The following XIRP2 variants were observed in gnomAD, a reference collection of about 807,000 sequenced individuals.
XIRP2 encodes the protein xin actin-binding repeat-containing protein 2.
Under a neutral mutation model 277.0 loss-of-function variants are expected in XIRP2, and 236 were observed. The ratio of observed to expected loss-of-function variants is 0.85; its 90% CI spans 0.77 to 0.95. XIRP2 has a LOEUF of 0.95. Ranked by LOEUF, XIRP2 falls within the 40% of genes least tolerant of loss-of-function variation. The probability of loss-of-function intolerance (pLI) is 0.00; values close to 1 mark genes in which losing one functional copy is unlikely to be tolerated. For missense variants in XIRP2, 4,640 were observed against 4,157.5 expected (o/e 1.12, Z -3.19); for synonymous variants, 1,490 against 1,416.5 (o/e 1.05, Z -1.17).
intron 2 of XIRP2, among the ~76,000 whole-genome samples, chr2:167,056,865 G>C (rs1054627485): frequency 1.3e-5 from 2 of 151,978 alleles, no homozygotes; most frequent in African/African-American, 4.8e-5. Flanking sequence ...GGGGAGCTTT[G>C]GTTATATAAT....
Position 167,244,187 on chromosome 2 carries a change from C to T in XIRP2, c.2795C>T (p.Thr932Ile). The T allele has an allele frequency of 5.0e-6, 8 of 1,613,538 alleles. No homozygotes were observed. The highest frequency in any genetic ancestry group is 5.9e-6 in the Non-Finnish European group (7 of 1,179,802). ...EDIRKDKKEY[T>I]RTVKLEEVDR... ...ATTAGAAAAGATAAAAAGGAGTACA[C>T]ACGAACAGTGAAACTTGAAGAAGTT... The change falls in exon 9 of 11, where the codon ACA becomes ATA. Residue 932 changes from threonine to isoleucine, a missense_variant. By Grantham distance (89) the Thr-to-Ile change is moderately conservative. Transcript: ENST00000409195.
chr2:167,035,123 T>C (rs1238012114), intron 2 of XIRP2, among the ~76,000 whole-genome samples: 4 of 152,284 alleles, frequency 2.6e-5, no homozygotes, highest in East Asian at 3.9e-4. Context: ...TCTTTTTTCT[T>C]CCCAGTCTCC....
chr2:167,112,501 A>G (rs1262101738), intron 2 of XIRP2, among the ~76,000 whole-genome samples: 1 of 149,260 alleles, frequency 6.7e-6, no homozygotes, highest in East Asian at 1.9e-4. Context: ...ATTAATATTT[A>G]TTTTTCTTCC....
chr2:167,039,243 A>G (rs1688594047), intron 2 of XIRP2, among the ~76,000 whole-genome samples: 1 of 152,212 alleles, frequency 6.6e-6, no homozygotes, highest in Non-Finnish European at 1.5e-5. Context: ...TGTGAAAAAA[A>G]AAGTTTTTCT....
chr2:167,155,881 T>A (rs200542079), intron 3 of XIRP2, among the ~76,000 whole-genome samples: 11,264 of 145,670 alleles, frequency 0.077, 493 homozygotes, highest in Middle Eastern at 0.14. Flanking sequence ...CTTAAGCTGA[T>A]AAGCAACTTC....
intron 2 of XIRP2, among the ~76,000 whole-genome samples, chr2:166,968,432 T>C (rs1686485972): frequency 6.6e-6 from 1 of 151,956 alleles, no homozygotes; most frequent in African/African-American, 2.4e-5. Context: ...CCTTTAAAAA[T>C]TTAAAATACA....
At position 167,248,742 on chromosome 2, in the gene XIRP2, G is replaced by A. The variant is rs781134523; in HGVS notation, c.7350G>A (p.Leu2450=). The part of the protein sequence containing the change: ...FSPKVELATS[L]SDMECKITTS... The stretch of plus-strand genomic sequence containing the variant: ...CCAAAGTTGAACTGGCAACCTCCCT[G>A]TCAGATATGGAATGTAAAATTACTA... Residue 2450 remains leucine (L), a synonymous_variant, in exon 9 of 11, where the codon CTG becomes CTA. Coordinates refer to ENST00000409195, the MANE Select transcript of XIRP2 (RefSeq NM_152381.6). 4 of 1,613,672 alleles carry A rather than the reference G, an allele frequency of 2.5e-6. No homozygotes were observed. The highest frequency in any genetic ancestry group is 3.4e-6 in the Non-Finnish European group (4 of 1,179,830).
chr2:167,072,095 A>T (rs1689451943), intron 2 of XIRP2, among the ~76,000 whole-genome samples: 1 of 152,172 alleles, frequency 6.6e-6, no homozygotes, highest in African/African-American at 2.4e-5. Context: ...ATATTTTAAA[A>T]TATATAATAT....
At chr2:167,099,266 C>T (rs1690420342) in intron 2 of XIRP2, among the ~76,000 whole-genome samples, 1 of 152,062 alleles carries the variant, frequency 6.6e-6, no homozygotes, top group Non-Finnish European at 1.5e-5. Context: ...GCAGTAGGCC[C>T]CACCCAGTTC....
intron 1 of XIRP2, among the ~76,000 whole-genome samples, chr2:166,897,049 A>G (rs1370343343): frequency 6.6e-6 from 1 of 152,178 alleles, no homozygotes. Flanking sequence ...TTGTGTAAGT[A>G]CACTCTGTGA....
rs770439080 is a variant in XIRP2, at chr2:167,218,167, T to A, written c.725T>A (p.Met242Lys). Residue 242 changes from methionine (M) to lysine (K), a missense_variant and splice_region_variant, in exon 5 of 11, where the codon ATG becomes AAG. By Grantham distance (95) the Met-to-Lys change is moderately conservative (BLOSUM62 -1). Transcript: ENST00000409195. ...TTCCTTTTTCTTAAATCATCCTAGATGATGGAAGAATCAGAAATGTGCGCA... is the reference window on the plus strand; with the variant it reads ...TTCCTTTTTCTTAAATCATCCTAGAAGATGGAAGAATCAGAAATGTGCGCA... ...RGDCRSFSAN[M>K]MEESEMCAVP... 6 of 1,586,118 alleles carry A rather than the reference T, an allele frequency of 3.8e-6. No homozygotes were observed. In the South Asian group the frequency reaches 5.8e-5, roughly 15 times the overall value.
At position 167,175,361 on chromosome 2, in the gene XIRP2, G is replaced by T. The variant is rs540093102; in HGVS notation, c.563-35374G>T. Among the ~76,000 whole-genome samples the T allele has an allele frequency of 3.9e-5, 6 of 152,266 alleles. No individual in the cohort carries two copies. In the South Asian group the frequency reaches 1.2e-3, roughly 32 times the overall value. ...GTTGATGTTAATGCTATTCCTTTCT[G>T]TTTGTTAGTTTTCCTTCTAACAGTC... On this transcript the variant is annotated intron_variant, in intron 3 of 10. Coordinates refer to ENST00000409195, the MANE Select transcript of XIRP2 (RefSeq NM_152381.6).
chr2:167,022,161 G>C (rs558732442), intron 2 of XIRP2, among the ~76,000 whole-genome samples: 10 of 152,018 alleles, frequency 6.6e-5, no homozygotes, highest in Non-Finnish European at 1.3e-4. Context: ...AACACGTTAA[G>C]GAAGAATATC....
At chr2:167,060,693 T>C (rs1437679860) in intron 2 of XIRP2, among the ~76,000 whole-genome samples, 1 of 152,158 alleles carries the variant, frequency 6.6e-6, no homozygotes, top group African/African-American at 2.4e-5. Context: ...TATGTGTGGA[T>C]CCATTACTGG....
chr2:167,210,608 A>C (rs1693995803), intron 3 of XIRP2, 127 bp from the exon 4 acceptor site: 1 of 1,270,994 alleles, frequency 7.9e-7, no homozygotes, highest in Non-Finnish European at 1.1e-6. Context: ...GACATTGAAA[A>C]TATTGTGAAA....
chr2:167,004,687 A>C (rs1192829297), intron 2 of XIRP2, among the ~76,000 whole-genome samples: 1 of 151,920 alleles, frequency 6.6e-6, no homozygotes, highest in African/African-American at 2.4e-5. Flanking sequence ...AATTCAGGTC[A>C]TGGACAAGGT....
chr2:167,010,031 T>C (rs1195178031), intron 2 of XIRP2, among the ~76,000 whole-genome samples: 2 of 152,122 alleles, frequency 1.3e-5, no homozygotes, highest in Non-Finnish European at 2.9e-5. Context: ...TTCACGCTGA[T>C]GGTAGTTTCT....
At chr2:167,012,348 T>C (rs1054493686) in intron 2 of XIRP2, among the ~76,000 whole-genome samples, 1 of 151,844 alleles carries the variant, frequency 6.6e-6, no homozygotes, top group Non-Finnish European at 1.5e-5. Context: ...AGAAGTTTAA[T>C]AAGATTCTAC....
chr2:167,259,500 A>G lies in XIRP2; in HGVS notation c.*1683A>G, dbSNP rs761151325. ...GTTCAGAAATCTCGTGTCTATCTCA[A>G]TGGGATATTTCTTGTATTACACCTT... On this transcript the variant is annotated 3_prime_UTR_variant, in exon 11 of 11. Coordinates refer to ENST00000409195, the MANE Select transcript of XIRP2 (RefSeq NM_152381.6). The G allele has an allele frequency of 2.3e-5, 19 of 825,266 alleles. No individual in the cohort carries two copies. The highest frequency in any genetic ancestry group is 3.4e-5 in the Non-Finnish European group (19 of 552,336). 51.1% of individuals were successfully genotyped at this position (825,266 alleles called of 1,614,324 possible).
Sources: gnomAD v4.1 joint callset for allele counts (sites outside exome capture counted in the v4.1 genomes callset) on GRCh38, gnomAD v4.1.1 for gene constraint, MANE v1.5 for transcripts, NCBI Gene and HGNC (gene_info 2026-07-23, HGNC 2026-07-21) for gene names.